The following CSMD1 variants were observed in gnomAD, a reference collection of about 807,000 sequenced individuals.
CSMD1 encodes the protein CUB and sushi domain-containing protein 1.
Under a neutral mutation model 417.5 loss-of-function variants are expected in CSMD1, and 213 were observed. The ratio of observed to expected loss-of-function variants is 0.51; its 90% confidence interval spans 0.46 to 0.57. The LOEUF (loss-of-function observed/expected upper bound fraction) is 0.57. Among genes scored for constraint, CSMD1 ranks in the 20% least tolerant of loss-of-function variants. The pLI, the probability that CSMD1 is intolerant of heterozygous loss-of-function variation, is 0.00. For synonymous variants in CSMD1, 2,862 were observed against 1,736.8 expected (o/e 1.65, Z -16.11); for missense variants, 6,923 against 4,529.7 (o/e 1.53, Z -15.17).
At chr8:3,374,871 C>T (rs1810207343) in intron 18 of CSMD1, among the ~76,000 whole-genome samples, 1 of 152,162 alleles carries the variant, frequency 6.6e-6, no homozygotes, top group Non-Finnish European at 1.5e-5. Context: ...CCAAAGTCTT[C>T]TAATAAATGG....
chr8:3,891,630 C>A (rs1806980334), intron 5 of CSMD1, among the ~76,000 whole-genome samples: 1 of 151,884 alleles, frequency 6.6e-6, no homozygotes, highest in Non-Finnish European at 1.5e-5. Context: ...CTTCAGTGAG[C>A]TGTGATCACA....
intron 3 of CSMD1, among the ~76,000 whole-genome samples, chr8:4,398,567 T>C (rs1412293280): frequency 1.3e-5 from 2 of 151,818 alleles, no homozygotes; most frequent in East Asian, 3.9e-4. Flanking sequence ...CCAAATTTTT[T>C]TGTATTTTTA....
intron 26 of CSMD1, among the ~76,000 whole-genome samples, chr8:3,269,155 A>G (rs916023958): frequency 1.3e-5 from 2 of 152,242 alleles, no homozygotes; most frequent in African/African-American, 4.8e-5. Flanking sequence ...TTCAACACGC[A>G]TTCTTCGTAT....
At chr8:4,468,172 A>T (rs1383489976) in intron 2 of CSMD1, among the ~76,000 whole-genome samples, 1 of 152,194 alleles carries the variant, frequency 6.6e-6, no homozygotes, top group Non-Finnish European at 1.5e-5. Context: ...GTGCTCTAAC[A>T]GCACTTGTCA....
intron 10 of CSMD1, among the ~76,000 whole-genome samples, chr8:3,511,763 AT>A (rs1797078617): frequency 1.4e-4 from 11 of 81,350 alleles, no homozygotes; most frequent in African/African-American, 4.0e-4. Context: ...CTCTAAAAAA[AT>A]AACATAACAT....
chr8:4,274,939 C>G (rs1344994380), intron 3 of CSMD1, among the ~76,000 whole-genome samples: 1 of 152,128 alleles, frequency 6.6e-6, no homozygotes, highest in Admixed American at 6.5e-5. Context: ...TTCATATTTT[C>G]TTGAGAGCCA....
chr8:3,163,696 G>C (rs1228569436), intron 37 of CSMD1, among the ~76,000 whole-genome samples: 8 of 152,038 alleles, frequency 5.3e-5, no homozygotes, highest in Admixed American at 6.6e-5. Context: ...ACGAGACCCA[G>C]TGTGACTCAC....
At chr8:3,241,443 C>G (rs115581069) in intron 26 of CSMD1, among the ~76,000 whole-genome samples, 3,798 of 152,202 alleles carry the variant, frequency 0.025, 163 homozygotes, top group African/African-American at 0.086. Context: ...CTGTGTTGGT[C>G]TACAGGGCTT....
At position 3,681,646 on chromosome 8, in the gene CSMD1, A is replaced by G. The variant is rs944931639; in HGVS notation, c.1009+26768T>C. Among the ~76,000 whole-genome samples the G allele has an allele frequency of 1.1e-4, 16 of 152,318 alleles. No individual in the cohort carries two copies. In the East Asian group the frequency reaches 3.1e-3, roughly 29 times the overall value. ...AATTTATAGATTCAATGCCATCCCC[A>G]TCAAGCTACCAATGACTTTCTTCAC... On this transcript the variant is annotated intron_variant, in intron 7 of 69. Coordinates refer to ENST00000635120, the MANE Select transcript of CSMD1 (RefSeq NM_033225.6).
chr8:4,501,159 T>C (rs1422535223), intron 2 of CSMD1, among the ~76,000 whole-genome samples: 2 of 152,144 alleles, frequency 1.3e-5, no homozygotes, highest in Non-Finnish European at 2.9e-5. Flanking sequence ...TGTGTATATG[T>C]TTATGTGTAT....
At chr8:3,287,623 G>A (rs571692407) in intron 25 of CSMD1, among the ~76,000 whole-genome samples, 96 of 152,252 alleles carry the variant, frequency 6.3e-4, no homozygotes, top group African/African-American at 2.3e-3. Flanking sequence ...TGGCATATGA[G>A]AATGCTTGTG....
intron 11 of CSMD1, 161 bp from the exon 12 acceptor site, chr8:3,468,985 A>G (rs1206533255): frequency 2.1e-6 from 1 of 474,838 alleles, no homozygotes; most frequent in Non-Finnish European, 3.7e-6. Flanking sequence ...TTATATTAAT[A>G]TTCAAACATC....
At chr8:3,402,171 C>A (rs540868888) in intron 15 of CSMD1, among the ~76,000 whole-genome samples, 2 of 152,232 alleles carry the variant, frequency 1.3e-5, no homozygotes, top group East Asian at 3.9e-4. Context: ...TGTGATAGTG[C>A]ACAACACTAA....
chr8:3,914,322 G>A (rs1334519566), intron 5 of CSMD1, among the ~76,000 whole-genome samples: 1 of 151,880 alleles, frequency 6.6e-6, no homozygotes, highest in Non-Finnish European at 1.5e-5. Context: ...ACGAGGAAGA[G>A]AATGGGGCCT....
chr8:4,647,563 C>G (rs1585387751), intron 1 of CSMD1, among the ~76,000 whole-genome samples: 1 of 152,308 alleles, frequency 6.6e-6, no homozygotes, highest in South Asian at 2.1e-4. Flanking sequence ...GTTCCCTCCC[C>G]TCATCCCCCA....
chr8:4,258,089 C>T (rs1246904448), intron 3 of CSMD1, among the ~76,000 whole-genome samples: 1 of 151,438 alleles, frequency 6.6e-6, no homozygotes, highest in East Asian at 2.0e-4. Flanking sequence ...GACTACAGGC[C>T]CGTGCTACCA....
At chr8:3,040,325 T>A (rs547412525) in intron 50 of CSMD1, among the ~76,000 whole-genome samples, 1 of 150,818 alleles carries the variant, frequency 6.6e-6, no homozygotes, top group South Asian at 2.1e-4. Flanking sequence ...GTTTCTCAAA[T>A]GGATTTTAAC....
chr8:3,451,688 A>T (rs188904774), intron 12 of CSMD1, among the ~76,000 whole-genome samples: 6 of 152,018 alleles, frequency 3.9e-5, no homozygotes, highest in African/African-American at 9.7e-5. Context: ...TCTGTTTTGG[A>T]ACCAGTACCA....
At chr8:3,122,949 T>C (rs1817291444) in intron 41 of CSMD1, among the ~76,000 whole-genome samples, 1 of 152,216 alleles carries the variant, frequency 6.6e-6, no homozygotes, top group South Asian at 2.1e-4. Flanking sequence ...TTTTACATCA[T>C]ACTTGGCTTC....
Sources: allele counts gnomAD v4.1 joint callset (sites outside exome capture counted in the v4.1 genomes callset), GRCh38; gene constraint gnomAD v4.1.1; transcripts MANE v1.5; gene names NCBI Gene and HGNC (gene_info 2026-07-23, HGNC 2026-07-21).